The following AGMO variants were observed in gnomAD, a reference collection of about 807,000 sequenced individuals.
The protein encoded by AGMO is alkylglycerol monooxygenase.
Under a neutral mutation model 60.2 loss-of-function variants are expected in AGMO, and 75 were observed. The observed-to-expected ratio is 1.25, with a 90% CI of 1.03 to 1.51. The LOEUF (loss-of-function observed/expected upper bound fraction) is 1.51. AGMO is among the 40% of genes most tolerant of loss of function. The probability of loss-of-function intolerance (pLI) is 0.00; values close to 1 mark genes in which losing one functional copy is unlikely to be tolerated. For missense variants in AGMO, 763 were observed against 525.5 expected (o/e 1.45, Z -4.42); for synonymous variants, 261 against 177.1 (o/e 1.47, Z -3.76).
At chr7:15,322,580 A>G (rs1239594354) in intron 12 of AGMO, among the ~76,000 whole-genome samples, 14 of 42,278 alleles carry the variant, frequency 3.3e-4, no homozygotes, top group African/African-American at 1.5e-3. Flanking sequence ...ATATAAATAT[A>G]TATAAATATA....
At chr7:15,529,530 A>AAG (rs1784220409) in intron 3 of AGMO, among the ~76,000 whole-genome samples, 1 of 132,480 alleles carries the variant, frequency 7.5e-6, no homozygotes, top group Non-Finnish European at 1.6e-5. Flanking sequence ...CTTAGACTAG[A>AAG]ATATATATAT....
intron 12 of AGMO, among the ~76,000 whole-genome samples, chr7:15,259,130 G>A (rs1355049567): frequency 6.6e-6 from 1 of 151,764 alleles, no homozygotes; most frequent in Non-Finnish European, 1.5e-5. Context: ...ACCAGATAAA[G>A]GTGAAGTCCA....
At chr7:15,337,085 T>C (rs1352256174) in intron 12 of AGMO, among the ~76,000 whole-genome samples, 1 of 152,184 alleles carries the variant, frequency 6.6e-6, no homozygotes, top group Non-Finnish European at 1.5e-5. Context: ...GATCATTTTA[T>C]CAGGTTAGCA....
At chr7:15,516,640 C>G (rs1354531926) in intron 3 of AGMO, among the ~76,000 whole-genome samples, 1 of 152,184 alleles carries the variant, frequency 6.6e-6, no homozygotes, top group African/African-American at 2.4e-5. Context: ...TAACCTTATA[C>G]ATCTGTTGAG....
At chr7:15,269,991 T>C (rs2128513169) in intron 12 of AGMO, among the ~76,000 whole-genome samples, 1 of 152,270 alleles carries the variant, frequency 6.6e-6, no homozygotes, top group East Asian at 1.9e-4. Flanking sequence ...ATATACCACA[T>C]TGTTTAATCC....
chr7:15,225,702 CTT>C (rs1250292407), intron 12 of AGMO, among the ~76,000 whole-genome samples: 4 of 151,804 alleles, frequency 2.6e-5, no homozygotes, highest in African/African-American at 7.3e-5. Context: ...AGAATAAAAA[CTT>C]AGCATATTCA....
chr7:15,530,965 A>C (rs914625568), intron 3 of AGMO, among the ~76,000 whole-genome samples: 21 of 127,144 alleles, frequency 1.7e-4, no homozygotes, highest in Admixed American at 5.9e-4. Context: ...TATATATTCT[A>C]TATATATTCT....
the AGMO span, among the ~76,000 whole-genome samples, chr7:15,184,365 AG>A: frequency 5.7e-3 from 21 of 3,674 alleles, no homozygotes; most frequent in Admixed American, 0.016. Flanking sequence ...GAGGGAAGGA[AG>A]GGAAGGAAGG....
intron 3 of AGMO, among the ~76,000 whole-genome samples, chr7:15,509,282 T>G (rs189247482): frequency 2.0e-5 from 3 of 152,000 alleles, no homozygotes. Context: ...CATATATGGT[T>G]AACTAATTTT....
At chr7:15,357,717 C>A (rs192430451) in intron 12 of AGMO, among the ~76,000 whole-genome samples, 1 of 152,180 alleles carries the variant, frequency 6.6e-6, no homozygotes. Context: ...GAAAACAGTG[C>A]GCTCCCTTGA....
At chr7:15,478,477 G>A (rs1477836021) in intron 3 of AGMO, among the ~76,000 whole-genome samples, 2 of 152,078 alleles carry the variant, frequency 1.3e-5, no homozygotes, top group Non-Finnish European at 2.9e-5. Flanking sequence ...TAAAGTGATC[G>A]CTGAAGCAAA....
the AGMO span, among the ~76,000 whole-genome samples, chr7:15,163,331 C>T: frequency 0.56 from 84,631 of 151,914 alleles, 25,565 homozygotes; most frequent in East Asian, 0.73. Flanking sequence ...TCTTGCCTTA[C>T]TGCTCTGGCT....
chr7:15,127,155 C>T, the AGMO span, among the ~76,000 whole-genome samples: 2 of 152,042 alleles, frequency 1.3e-5, no homozygotes, highest in Non-Finnish European at 2.9e-5. Flanking sequence ...ATATATTAAA[C>T]CAAGCCGTAC....
chr7:15,344,202 A>G (rs939304119), intron 12 of AGMO, among the ~76,000 whole-genome samples: 6 of 152,176 alleles, frequency 3.9e-5, no homozygotes, highest in African/African-American at 1.2e-4. Context: ...GGCACTCAAC[A>G]ATATTTGTTG....
intron 12 of AGMO, among the ~76,000 whole-genome samples, chr7:15,254,172 A>G (rs572688831): frequency 6.6e-6 from 1 of 152,170 alleles, no homozygotes; most frequent in African/African-American, 2.4e-5. Flanking sequence ...TATATTGGTT[A>G]TCTTAATAGT....
intron 3 of AGMO, among the ~76,000 whole-genome samples, chr7:15,500,899 A>G (rs1583619417): frequency 7.2e-6 from 1 of 137,992 alleles, no homozygotes; most frequent in Non-Finnish European, 1.6e-5. Flanking sequence ...ATTTGTTCTC[A>G]TTAGTTTCAA....
chr7:15,483,315 C>G (rs1782811247), intron 3 of AGMO, among the ~76,000 whole-genome samples: 2 of 152,082 alleles, frequency 1.3e-5, no homozygotes, highest in African/African-American at 4.8e-5. Context: ...GCCTGTAATC[C>G]CAGCACCTTG....
At position 15,544,845 on chromosome 7, in the gene AGMO, A is replaced by C. The variant is rs775004679; in HGVS notation, c.336T>G (p.Asp112Glu). Residue 112 changes from aspartate (D) to glutamate (E), a missense_variant, in exon 3 of 13, where the codon GAT becomes GAG. Transcript: ENST00000342526. ...ENYRLFNLPW[D>E]SPWTWYSAFL... ...AGGCTGAATACCAAGTCCATGGAGA[A>C]TCCCAAGGCAAATTGAACAGCCTGT... 3.7e-6 allele frequency: 6 copies of C among 1,610,870 alleles called. No individual in the cohort carries two copies. The South Asian group carries it at 6.6e-5, about 18-fold the overall frequency.
At chr7:15,224,140 C>T (rs1175582303) in intron 12 of AGMO, among the ~76,000 whole-genome samples, 2 of 151,708 alleles carry the variant, frequency 1.3e-5, no homozygotes, top group East Asian at 3.9e-4. Context: ...TCTCTCTATG[C>T]ACAGGTTTCC....
Sources: gnomAD v4.1 joint callset for allele counts (sites outside exome capture counted in the v4.1 genomes callset) on GRCh38, gnomAD v4.1.1 for gene constraint, MANE v1.5 for transcripts, NCBI Gene and HGNC (gene_info 2026-07-23, HGNC 2026-07-21) for gene names.